MAPK10: variants seen among roughly 807,000 people sequenced by gnomAD.
MAPK10 encodes mitogen-activated protein kinase 10.
Under a neutral mutation model 59.3 loss-of-function variants are expected in MAPK10, and 25 were observed. The observed-to-expected ratio is 0.42, with a 90% CI of 0.31 to 0.59. MAPK10 has a LOEUF of 0.59. MAPK10 is among the 20% of genes least tolerant of loss of function. The probability of loss-of-function intolerance (pLI) is 0.15; values close to 1 mark genes in which losing one functional copy is unlikely to be tolerated. For missense variants in MAPK10, 351 were observed against 568.9 expected (o/e 0.62, Z 3.90); for synonymous variants, 190 against 200.5 (o/e 0.95, Z 0.44).
At chr4:86,023,715 G>A (rs961031595) in intron 13 of MAPK10, among the ~76,000 whole-genome samples, 5 of 148,468 alleles carry the variant, frequency 3.4e-5, no homozygotes, top group Admixed American at 1.4e-4. Flanking sequence ...ATTGTTTTAT[G>A]TTCATTGCTA....
intron 1 of MAPK10, among the ~76,000 whole-genome samples, chr4:86,577,277 C>T (rs1761971497): frequency 6.6e-6 from 1 of 151,996 alleles, no homozygotes; most frequent in Non-Finnish European, 1.5e-5. Flanking sequence ...TGACACTGCA[C>T]TCTAGTCTGG....
intron 3 of MAPK10, among the ~76,000 whole-genome samples, chr4:86,165,979 G>GA (rs1406180765): frequency 6.6e-6 from 1 of 151,970 alleles, no homozygotes. Flanking sequence ...AATTATGTTG[G>GA]AAAGCATATA....
intron 1 of MAPK10, among the ~76,000 whole-genome samples, chr4:86,571,765 T>C (rs919859248): frequency 6.6e-6 from 1 of 152,172 alleles, no homozygotes. Context: ...AGCCCAATAA[T>C]TGAATTTACT....
At chr4:86,406,618 A>T (rs1744395436) in intron 1 of MAPK10, among the ~76,000 whole-genome samples, 1 of 152,212 alleles carries the variant, frequency 6.6e-6, no homozygotes, top group Admixed American at 6.5e-5. Context: ...ATAAACAGTT[A>T]TAGCTAACTA....
At chr4:86,082,994 A>G (rs1018541143) in intron 9 of MAPK10, among the ~76,000 whole-genome samples, 1 of 152,174 alleles carries the variant, frequency 6.6e-6, no homozygotes, top group African/African-American at 2.4e-5. Context: ...AGTCTGCGGG[A>G]CAGACTTGGC....
intron 2 of MAPK10, among the ~76,000 whole-genome samples, chr4:86,349,555 A>G (rs762342583): frequency 6.6e-6 from 1 of 152,220 alleles, no homozygotes; most frequent in Non-Finnish European, 1.5e-5. Context: ...ATAATAAGAT[A>G]CTATGGTAAT....
chr4:86,295,686 TATG>T (rs977361211), intron 2 of MAPK10, among the ~76,000 whole-genome samples: 12 of 149,590 alleles, frequency 8.0e-5, no homozygotes, highest in South Asian at 2.1e-4. Flanking sequence ...TAGCTTTTAT[TATG>T]ATATCTTCTA....
chr4:86,419,064 C>T (rs1056622988), intron 1 of MAPK10, among the ~76,000 whole-genome samples: 1 of 152,066 alleles, frequency 6.6e-6, no homozygotes, highest in African/African-American at 2.4e-5. Flanking sequence ...GTACACTGCT[C>T]GGGTGCAACA....
chr4:86,483,735 A>G (rs911453049), intron 1 of MAPK10, among the ~76,000 whole-genome samples: 2 of 152,278 alleles, frequency 1.3e-5, no homozygotes, highest in African/African-American at 2.4e-5. Flanking sequence ...TATCAAAACT[A>G]AAGTCTCTAC....
intron 4 of MAPK10, chr4:86,159,035 A>C: frequency 3.4e-6 from 1 of 290,404 alleles, no homozygotes. Context: ...GGTTCTCTTT[A>C]TTTCTTTATG....
intron 2 of MAPK10, among the ~76,000 whole-genome samples, chr4:86,300,263 G>C (rs972500962): frequency 1.3e-5 from 2 of 152,170 alleles, no homozygotes; most frequent in Non-Finnish European, 2.9e-5. Context: ...AAAGTGAAAT[G>C]CTTCCCGCCC....
At chr4:86,215,178 C>T (rs1019356249) in intron 2 of MAPK10, among the ~76,000 whole-genome samples, 1 of 152,162 alleles carries the variant, frequency 6.6e-6, no homozygotes, top group Non-Finnish European at 1.5e-5. Flanking sequence ...GTCTTTTCAA[C>T]AAACAGTACT....
intron 2 of MAPK10, among the ~76,000 whole-genome samples, chr4:86,206,791 G>A (rs1170293604): frequency 2.6e-5 from 4 of 152,076 alleles, no homozygotes; most frequent in Non-Finnish European, 4.4e-5. Context: ...TTTCTCTGAT[G>A]GCCAGTGATG....
At chr4:86,547,465 T>G (rs1240886830) in intron 1 of MAPK10, among the ~76,000 whole-genome samples, 1 of 152,202 alleles carries the variant, frequency 6.6e-6, no homozygotes. Context: ...TGCTCAAAAT[T>G]TCTCGCCGGG....
At chr4:86,300,145 G>A (rs1030863036) in intron 2 of MAPK10, among the ~76,000 whole-genome samples, 4 of 151,930 alleles carry the variant, frequency 2.6e-5, no homozygotes, top group Non-Finnish European at 5.9e-5. Flanking sequence ...TGCCCACCTC[G>A]GCCTCCAAAA....
intron 1 of MAPK10, among the ~76,000 whole-genome samples, chr4:86,435,567 T>A (rs1199762022): frequency 1.3e-5 from 2 of 152,056 alleles, no homozygotes; most frequent in Admixed American, 6.6e-5. Context: ...ATAATTTTTT[T>A]AAAAAAGAAA....
intron 1 of MAPK10, among the ~76,000 whole-genome samples, chr4:86,471,783 T>A (rs1029095788): frequency 1.3e-5 from 2 of 152,172 alleles, no homozygotes; most frequent in Non-Finnish European, 1.5e-5. Context: ...TTTTCCTTTT[T>A]TTTCAACAAA....
intron 11 of MAPK10, chr4:86,032,384 T>A (rs192024498): frequency 2.0e-5 from 3 of 150,802 alleles, no homozygotes; most frequent in Admixed American, 6.6e-5. Flanking sequence ...CACCATGAGG[T>A]AGAGAAAGAG....
intron 3 of MAPK10, among the ~76,000 whole-genome samples, chr4:86,175,679 C>T (rs891091981): frequency 6.6e-6 from 1 of 152,090 alleles, no homozygotes; most frequent in African/African-American, 2.4e-5. Context: ...CTCCAGAAGC[C>T]AAGCAGATGC....
Sources: gnomAD v4.1 joint callset for allele counts (sites outside exome capture counted in the v4.1 genomes callset) on GRCh38, gnomAD v4.1.1 for gene constraint, MANE v1.5 for transcripts, NCBI Gene and HGNC (gene_info 2026-07-23, HGNC 2026-07-21) for gene names.